CLDN16: variants seen among roughly 807,000 people sequenced by gnomAD.
The protein encoded by CLDN16 is claudin 16.
Under a neutral mutation model 24.6 loss-of-function variants are expected in CLDN16, and 13 were observed. The observed-to-expected ratio is 0.53, with a 90% CI of 0.34 to 0.84. The LOEUF is 0.84. Among genes scored for constraint, CLDN16 ranks in the 40% least tolerant of loss-of-function variants. CLDN16 has a pLI of 0.01. For synonymous variants in CLDN16, 116 were observed against 106.7 expected (o/e 1.09, Z -0.54); for missense variants, 298 against 292.7 (o/e 1.02, Z -0.13).
At chr3:190,378,518 T>C (rs1236902069) in intron 3 of CLDN16, among the ~76,000 whole-genome samples, 1 of 152,048 alleles carries the variant, frequency 6.6e-6, no homozygotes, top group African/African-American at 2.4e-5. Flanking sequence ...GCTTCATCGT[T>C]TCAGCAGAGA....
intron 1 of CLDN16, among the ~76,000 whole-genome samples, chr3:190,347,725 A>G (rs1181251799): frequency 2.6e-5 from 4 of 152,224 alleles, no homozygotes; most frequent in Non-Finnish European, 5.9e-5. Context: ...ATGAAAGTCA[A>G]TGATTGGTAC....
chr3:190,364,186 G>A (rs1018238464), intron 1 of CLDN16, among the ~76,000 whole-genome samples: 1 of 151,882 alleles, frequency 6.6e-6, no homozygotes, highest in African/African-American at 2.4e-5. Flanking sequence ...GTTTGGTTGA[G>A]GGAGATGTAG....
At chr3:190,293,987 CA>C in the CLDN16 span, among the ~76,000 whole-genome samples, 1 of 152,174 alleles carries the variant, frequency 6.6e-6, no homozygotes. Flanking sequence ...GTTCAATAAA[CA>C]AATGATTCTG....
chr3:190,392,100 T>C (rs12638207), intron 1 of CLDN16, among the ~76,000 whole-genome samples: 29,133 of 149,028 alleles, frequency 0.2, 3,167 homozygotes, highest in East Asian at 0.37. Context: ...CATGACTGTC[T>C]GAAACTTCAG....
At chr3:190,327,287 T>A (rs915598164) in intron 1 of CLDN16, among the ~76,000 whole-genome samples, 3 of 152,112 alleles carry the variant, frequency 2.0e-5, no homozygotes, top group African/African-American at 7.2e-5. Flanking sequence ...TTACGGAGGG[T>A]AATGCACTTT....
At position 190,377,920 on chromosome 3, in the gene CLDN16, CT is replaced by C. The variant is rs1349463844; in HGVS notation, n.306+3320del. 9.2e-5 allele frequency among the ~76,000 whole-genome samples: 14 copies of C among 152,018 alleles called. No individual in the cohort carries two copies. In the East Asian group the frequency reaches 2.7e-3, roughly 30 times the overall value. On this transcript the variant is annotated intron_variant and non_coding_transcript_variant, in intron 3 of 4. Transcript: ENST00000468220. The stretch of plus-strand genomic sequence containing the variant: ...CCTGAACAAGAGTATCTCCAAACTC[CT>C]TTCTAGTTTTAACTAGGAGTTTCCA...
chr3:190,322,319 G>A (rs1716950273), upstream of CLDN16: 1 of 971,436 alleles, frequency 1.0e-6, no homozygotes, highest in Non-Finnish European at 1.6e-6. Context: ...AGGAAGTTAA[G>A]GCGGGGAGCC....
chr3:190,321,901 TCA>T, upstream of CLDN16: 1 of 993,098 alleles, frequency 1.0e-6, no homozygotes, highest in Non-Finnish European at 1.6e-6. Flanking sequence ...AACCATGGAA[TCA>T]CACAACAGAA....
intron 1 of CLDN16, among the ~76,000 whole-genome samples, chr3:190,349,274 G>A (rs55704239): frequency 1.3e-5 from 2 of 152,108 alleles, no homozygotes; most frequent in African/African-American, 4.8e-5. Context: ...GTTCTCATAA[G>A]AGCTGGTTGT....
rs557224912 is a variant in CLDN16, at chr3:190,337,022, A to G, written n.121+14361A>G. On this transcript the variant is annotated intron_variant and non_coding_transcript_variant, in intron 1 of 4. Transcript: ENST00000468220. ...GCTCACACTTGTAACCTCATGGGAG[A>G]ATCCTTATGAGCAGCTAATAGAGGA... 1.6e-4 allele frequency among the ~76,000 whole-genome samples: 24 copies of G among 152,332 alleles called. No homozygotes were observed. The South Asian group carries it at 5.0e-3, about 32-fold the overall frequency.
intron 1 of CLDN16, among the ~76,000 whole-genome samples, chr3:190,353,064 GAGTA>G (rs1361134265): frequency 6.6e-6 from 1 of 152,114 alleles, no homozygotes; most frequent in Non-Finnish European, 1.5e-5. Context: ...AATATTTGCT[GAGTA>G]AGTGATTTTG....
the CLDN16 span, among the ~76,000 whole-genome samples, chr3:190,302,292 T>C: frequency 1.3e-5 from 2 of 152,218 alleles, no homozygotes; most frequent in East Asian, 3.8e-4. Flanking sequence ...TAGTTTAGGA[T>C]TATCACTGTT....
the CLDN16 span, among the ~76,000 whole-genome samples, chr3:190,314,313 T>A: frequency 2.0e-5 from 3 of 152,224 alleles, no homozygotes; most frequent in East Asian, 5.8e-4. Flanking sequence ...GCTAAATATT[T>A]CTAAAACTTC....
At chr3:190,358,647 T>C (rs1717824871) in intron 1 of CLDN16, among the ~76,000 whole-genome samples, 1 of 151,700 alleles carries the variant, frequency 6.6e-6, no homozygotes, top group Non-Finnish European at 1.5e-5. Flanking sequence ...ATCTCCACAG[T>C]AAACTTTTCC....
chr3:190,309,370 G>A, the CLDN16 span, among the ~76,000 whole-genome samples: 2 of 152,176 alleles, frequency 1.3e-5, no homozygotes, highest in African/African-American at 4.8e-5. Flanking sequence ...AACCATTGCA[G>A]TATGTGTTCT....
At chr3:190,369,735 A>G (rs919311616) in intron 1 of CLDN16, among the ~76,000 whole-genome samples, 1 of 151,928 alleles carries the variant, frequency 6.6e-6, no homozygotes, top group Non-Finnish European at 1.5e-5. Context: ...TCACTTTCTC[A>G]TATACTTCTT....
chr3:190,347,426 G>A (rs185782272), intron 1 of CLDN16, among the ~76,000 whole-genome samples: 16 of 152,206 alleles, frequency 1.1e-4, no homozygotes, highest in Admixed American at 1.0e-3. Context: ...AAGTGCCCAA[G>A]GAACATATAG....
chr3:190,328,399 T>A (rs894480950), intron 1 of CLDN16, among the ~76,000 whole-genome samples: 6 of 152,224 alleles, frequency 3.9e-5, no homozygotes, highest in African/African-American at 1.4e-4. Context: ...TTAATCTTTC[T>A]ATGCCTCATT....
chr3:190,373,688 A>ACAGGTTGT (rs1357875039), intron 2 of CLDN16, among the ~76,000 whole-genome samples: 1 of 151,936 alleles, frequency 6.6e-6, no homozygotes, highest in African/African-American at 2.4e-5. Context: ...GAGCTCTTAG[A>ACAGGTTGT]GAACAGGTGT....
Sources: gnomAD v4.1 joint callset for allele counts (sites outside exome capture counted in the v4.1 genomes callset) on GRCh38, gnomAD v4.1.1 for gene constraint, MANE v1.5 for transcripts, NCBI Gene and HGNC (gene_info 2026-07-23, HGNC 2026-07-21) for gene names.